The following CDC14A variants were observed in gnomAD, a reference collection of about 807,000 sequenced individuals.
CDC14A encodes cell division cycle 14A.
Under a neutral mutation model 74.4 loss-of-function variants are expected in CDC14A, and 53 were observed. That is an observed-to-expected ratio of 0.71 (90% CI 0.57 to 0.89). CDC14A has a LOEUF of 0.89. Ranked by LOEUF, CDC14A falls within the 40% of genes least tolerant of loss-of-function variation. CDC14A has a pLI of 0.00. For missense variants in CDC14A, 646 were observed against 713.7 expected (o/e 0.91, Z 1.08); for synonymous variants, 247 against 258.4 (o/e 0.96, Z 0.43).
At chr1:100,348,076 G>A (rs1165207294), upstream of CDC14A, among the ~76,000 whole-genome samples, 7 of 152,054 alleles carry the variant, frequency 4.6e-5, no homozygotes, top group African/African-American at 2.4e-5. Flanking sequence ...GAGGTCAAGA[G>A]ATCGAGACCA....
intron 9 of CDC14A, among the ~76,000 whole-genome samples, chr1:100,466,980 C>T (rs1450647911): frequency 1.3e-5 from 2 of 149,476 alleles, no homozygotes; most frequent in African/African-American, 4.9e-5. Flanking sequence ...TTGTATAAAG[C>T]ACAGATTTAC....
chr1:100,441,263 G>A (rs1180717218), intron 6 of CDC14A, among the ~76,000 whole-genome samples: 3 of 152,198 alleles, frequency 2.0e-5, no homozygotes, highest in African/African-American at 4.8e-5. Flanking sequence ...TTCATCAAAT[G>A]TTGGGGTTAA....
chr1:100,414,258 G>A (rs1261772275), intron 4 of CDC14A, among the ~76,000 whole-genome samples: 2 of 152,008 alleles, frequency 1.3e-5, no homozygotes, highest in African/African-American at 4.8e-5. Context: ...CTGAGCCCAG[G>A]AGTTCGAGAC....
intron 3 of CDC14A, among the ~76,000 whole-genome samples, chr1:100,382,843 A>G (rs1212194684): frequency 6.6e-6 from 1 of 152,214 alleles, no homozygotes; most frequent in Non-Finnish European, 1.5e-5. Context: ...GAAGCATTGG[A>G]AGTACCTGGC....
Position 100,454,885 on chromosome 1 carries a change from G to A in CDC14A, c.520-520G>A, listed in dbSNP as rs1054366759. Among the ~76,000 whole-genome samples the A allele has an allele frequency of 1.9e-4, 29 of 151,948 alleles. 2 individuals carry two copies. Among genetic ancestry groups the A allele is most frequent in the Admixed American group, 1.6e-3 (24 of 15,252 alleles). The stretch of plus-strand genomic sequence containing the variant: ...TGACTCTGGTTTGTGGAATGGATGC[G>A]CCAATATCACTCGCTCCTGCCTTTT... On this transcript the variant is annotated intron_variant, in intron 7 of 15. Coordinates refer to ENST00000336454, the MANE Select transcript of CDC14A (RefSeq NM_003672.4).
chr1:100,483,710 A>G lies in CDC14A; in HGVS notation c.978-582A>G, dbSNP rs1021959636. Among the ~76,000 whole-genome samples the G allele has an allele frequency of 5.9e-5, 9 of 152,194 alleles. 1 individual carries two copies. Among genetic ancestry groups the G allele is most frequent in the Non-Finnish European group, 1.0e-4 (7 of 68,016 alleles). On this transcript the variant is annotated intron_variant, in intron 10 of 15. Coordinates refer to ENST00000336454, the MANE Select transcript of CDC14A (RefSeq NM_003672.4). ...TGCCTTAATGAATGAAAGAAAGTTT[A>G]TACATGAACTTCAAACACATTTTCT...
chr1:100,378,475 T>C (rs939023686), intron 3 of CDC14A, among the ~76,000 whole-genome samples: 1 of 152,226 alleles, frequency 6.6e-6, no homozygotes, highest in South Asian at 2.1e-4. Flanking sequence ...TGGTGTTACA[T>C]AGTACAATGC....
intron 7 of CDC14A, among the ~76,000 whole-genome samples, chr1:100,445,705 C>G (rs1665460740): frequency 6.6e-6 from 1 of 152,084 alleles, no homozygotes; most frequent in African/African-American, 2.4e-5. Context: ...CAATTTTATT[C>G]TTGGAAACCA....
chr1:100,432,021 G>A (rs113997179), intron 5 of CDC14A, among the ~76,000 whole-genome samples: 253 of 152,102 alleles, frequency 1.7e-3, no homozygotes, highest in African/African-American at 5.9e-3. Flanking sequence ...GAATTTTCAT[G>A]TATCTCTGTT....
intron 4 of CDC14A, among the ~76,000 whole-genome samples, chr1:100,418,402 A>C (rs1661807042): frequency 6.6e-6 from 1 of 152,160 alleles, no homozygotes; most frequent in South Asian, 2.1e-4. Context: ...CAACAACCTC[A>C]AATACCAGAG....
At chr1:100,486,530 G>T (rs1187157604) in intron 11 of CDC14A, among the ~76,000 whole-genome samples, 1 of 152,160 alleles carries the variant, frequency 6.6e-6, no homozygotes, top group East Asian at 1.9e-4. Flanking sequence ...CAAGATCAAG[G>T]CATCAACAGA....
chr1:100,371,047 T>G (rs1557688603), intron 2 of CDC14A, among the ~76,000 whole-genome samples: 1 of 152,224 alleles, frequency 6.6e-6, no homozygotes, highest in Non-Finnish European at 1.5e-5. Context: ...CTAGGTATTT[T>G]AGTTCTTTTG....
intron 4 of CDC14A, among the ~76,000 whole-genome samples, chr1:100,420,971 T>G (rs1051652160): frequency 6.6e-5 from 10 of 152,200 alleles, no homozygotes; most frequent in African/African-American, 1.7e-4. Context: ...TTTAATTGGG[T>G]GACTCCTGCT....
intron 5 of CDC14A, among the ~76,000 whole-genome samples, chr1:100,438,467 T>C (rs1430691675): frequency 6.6e-6 from 1 of 152,150 alleles, no homozygotes; most frequent in Non-Finnish European, 1.5e-5. Context: ...TTTTCTTAGA[T>C]CCCTAGTCAC....
At chr1:100,436,290 G>A (rs890334954) in intron 5 of CDC14A, among the ~76,000 whole-genome samples, 1 of 152,018 alleles carries the variant, frequency 6.6e-6, no homozygotes, top group Non-Finnish European at 1.5e-5. Context: ...AAAATGGGAG[G>A]GAATGTTGCC....
At chr1:100,385,344 T>C (rs1656689705) in intron 3 of CDC14A, among the ~76,000 whole-genome samples, 1 of 152,206 alleles carries the variant, frequency 6.6e-6, no homozygotes, top group Non-Finnish European at 1.5e-5. Context: ...TCTCAGGCCC[T>C]ACTGAATCAG....
chr1:100,412,726 T>TATATAAA (rs1557732315), intron 4 of CDC14A, among the ~76,000 whole-genome samples: 5 of 80,214 alleles, frequency 6.2e-5, no homozygotes, highest in African/African-American at 4.6e-4. Flanking sequence ...ATATATATTT[T>TATATAAA]ATATATATAT....
In CDC14A at chr1:100,358,740, GTTTTGGATAAGT is replaced by G. The variant is rs574806791; in HGVS notation, c.140+4889_140+4900del. The stretch of plus-strand genomic sequence containing the variant: ...AGCCTGATATTAATGCATCCAGGAA[GTTTTGGATAAGT>G]AATTTATAGAAAAATGATTTCTTTT... On this transcript the variant is annotated intron_variant, in intron 2 of 15. Coordinates refer to ENST00000336454, the MANE Select transcript of CDC14A (RefSeq NM_003672.4). Among the ~76,000 whole-genome samples, 18 of 152,296 alleles carry G rather than the reference GTTTTGGATAAGT, an allele frequency of 1.2e-4. No homozygotes were observed. In the East Asian group the frequency reaches 3.5e-3, roughly 29 times the overall value.
intron 3 of CDC14A, among the ~76,000 whole-genome samples, chr1:100,387,774 T>A (rs1657078192): frequency 2.6e-5 from 4 of 152,176 alleles, no homozygotes. Context: ...TTATGGCTCA[T>A]GTTCCAGGAT....
Sources: gnomAD v4.1 joint callset for allele counts (sites outside exome capture counted in the v4.1 genomes callset) on GRCh38, gnomAD v4.1.1 for gene constraint, MANE v1.5 for transcripts, NCBI Gene and HGNC (gene_info 2026-07-23, HGNC 2026-07-21) for gene names.